The following DYSF variants were observed in gnomAD, a reference collection of about 807,000 sequenced individuals.
The protein encoded by DYSF is dystrophy-associated fer-1-like 1.
DYSF carries 212 observed loss-of-function variants against 274.9 expected under a neutral mutation model. That is an observed-to-expected ratio of 0.77 (90% confidence interval 0.69 to 0.86). DYSF has a LOEUF of 0.86. Among genes scored for constraint, DYSF ranks in the 40% least tolerant of loss-of-function variants. DYSF has a pLI of 0.00. For synonymous variants in DYSF, 1,091 were observed against 1,078.7 expected (o/e 1.01, Z -0.22); for missense variants, 2,666 against 2,783.2 (o/e 0.96, Z 0.95).
At position 71,658,931 on chromosome 2, in the gene DYSF, A is replaced by C. The variant is rs1267487878; in HGVS notation, c.4809A>C (p.Pro1603=). 3 of 1,614,048 alleles carry C rather than the reference A, an allele frequency of 1.9e-6. No individual in the cohort carries two copies. Among genetic ancestry groups the C allele is most frequent in the African/African-American group, 2.7e-5 (2 of 75,006 alleles). Residue 1603 remains proline (P), a synonymous_variant, in exon 44 of 56, where the codon CCA becomes CCC. Transcript: ENST00000410020. ...LPEDPAIPMP[P]RQFHQLAAQG... ...AAGACCCAGCCATCCCCATGCCCCC[A>C]AGACAGTTCCACCAGCTGGCCGCCC...
intron 41 of DYSF, among the ~76,000 whole-genome samples, chr2:71,625,997 C>T (rs897384937): frequency 2.0e-5 from 3 of 151,910 alleles, no homozygotes; most frequent in African/African-American, 7.2e-5. Context: ...ATTTTATATC[C>T]AGAAACTTTG....
chr2:71,574,648 T>A (rs2152823678), intron 30 of DYSF, among the ~76,000 whole-genome samples: 1 of 152,372 alleles, frequency 6.6e-6, no homozygotes, highest in African/African-American at 2.4e-5. Flanking sequence ...GAAGATGGCC[T>A]TGGCCGTCTG....
At chr2:71,583,693 C>T (rs2092970627) in intron 30 of DYSF, among the ~76,000 whole-genome samples, 1 of 152,152 alleles carries the variant, frequency 6.6e-6, no homozygotes, top group Admixed American at 6.5e-5. Flanking sequence ...GCACAGACAC[C>T]CCGTGGTGCA....
At chr2:71,592,717 C>G (rs1159839272) in intron 32 of DYSF, among the ~76,000 whole-genome samples, 1 of 152,244 alleles carries the variant, frequency 6.6e-6, no homozygotes, top group African/African-American at 2.4e-5. Flanking sequence ...GAACCACTCT[C>G]CCAGTGCCTC....
intron 43 of DYSF, among the ~76,000 whole-genome samples, chr2:71,658,000 T>A (rs1216869841): frequency 6.6e-6 from 1 of 152,240 alleles, no homozygotes; most frequent in Non-Finnish European, 1.5e-5. Context: ...TTTTCTTTTC[T>A]TCTGCATCAT....
intron 4 of DYSF, among the ~76,000 whole-genome samples, chr2:71,505,427 G>T (rs887828355): frequency 6.6e-6 from 1 of 152,246 alleles, no homozygotes; most frequent in South Asian, 2.1e-4. Context: ...AAGGGCCAAA[G>T]AACCTGCTGA....
At chr2:71,510,983 G>A (rs115689051) in intron 4 of DYSF, among the ~76,000 whole-genome samples, 4,673 of 152,282 alleles carry the variant, frequency 0.031, 124 homozygotes, top group Non-Finnish European at 0.038. Flanking sequence ...TAGAGTATCC[G>A]TTGCACTAAT....
intron 1 of DYSF, among the ~76,000 whole-genome samples, chr2:71,473,917 G>A (rs1212323863): frequency 2.8e-5 from 3 of 107,274 alleles, no homozygotes; most frequent in East Asian, 5.2e-4. Context: ...CTTTCTGTAT[G>A]ATTTTTTTTT....
At chr2:71,666,613 A>G (rs982942883) in intron 47 of DYSF, among the ~76,000 whole-genome samples, 8 of 152,212 alleles carry the variant, frequency 5.3e-5, no homozygotes, top group African/African-American at 1.9e-4. Flanking sequence ...TGGGTCAGGA[A>G]TACCCCATGT....
intron 30 of DYSF, among the ~76,000 whole-genome samples, chr2:71,585,801 G>A (rs2093047104): frequency 6.6e-6 from 1 of 152,162 alleles, no homozygotes; most frequent in East Asian, 1.9e-4. Context: ...CTCTCAGTGG[G>A]ACAAGCAGAT....
In DYSF at chr2:71,669,162, A is replaced by G. The variant is rs2095072356; in HGVS notation, c.5597A>G (p.Asp1866Gly). Residue 1866 changes from aspartate (D) to glycine (G), a missense_variant, in exon 50 of 56, where the codon GAC (aspartate) becomes GGC (glycine). This residue lies in a region of DYSF where 1,460 missense variants were observed against 1,502.1 expected (regional missense o/e 0.97). Coordinates refer to ENST00000410020, the MANE Select transcript of DYSF (RefSeq NM_001130987.2). ...IWNTRDVILD[D>G]LSLTGEKMSD... ...AATACCAGAGATGTGATCCTGGATGACCTGAGCCTCACGGGGGAGAAGATG... is the reference window on the plus strand; with the variant it reads ...AATACCAGAGATGTGATCCTGGATGGCCTGAGCCTCACGGGGGAGAAGATG... The G allele has an allele frequency of 6.2e-7, 1 of 1,610,652 alleles. No homozygotes were observed. The highest frequency in any genetic ancestry group is 1.3e-5 in the African/African-American group (1 of 74,892).
rs191337920 is a variant in DYSF at position 71,568,007 on chromosome 2, G to A, written c.2622G>A (p.Leu874=). The change falls in exon 25 of 56, where the codon CTG becomes CTA. Residue 874 remains leucine (L), a synonymous_variant. Transcript: ENST00000410020. ...TGCCAGTGCAGATACGGGTCAAGCT[G>A]TGGTTTGGGCTCTCAGTGGATGAGA... ...ARMPVQIRVK[L]WFGLSVDEKE... The A allele has an allele frequency of 3.0e-4, 491 of 1,614,172 alleles. 1 individual carries two copies. The highest frequency in any genetic ancestry group is 3.9e-4 in the Non-Finnish European group (459 of 1,180,022).
chr2:71,478,944 G>A (rs112954864), intron 1 of DYSF, among the ~76,000 whole-genome samples: 5 of 152,060 alleles, frequency 3.3e-5, no homozygotes, highest in African/African-American at 1.2e-4. Context: ...CTGGCAGGGC[G>A]GGGCCGACCC....
intron 16 of DYSF, 72 bp downstream of exon 16, chr2:71,535,383 G>A: frequency 7.0e-7 from 1 of 1,433,070 alleles, no homozygotes; most frequent in Non-Finnish European, 9.9e-7. Flanking sequence ...GTTTCATTCG[G>A]CTCAGTGACT....
intron 42 of DYSF, among the ~76,000 whole-genome samples, chr2:71,646,906 G>T (rs978114393): frequency 1.3e-5 from 2 of 152,080 alleles, no homozygotes; most frequent in African/African-American, 2.4e-5. Flanking sequence ...AGCAAACAAG[G>T]TAAGTGTAAA....
At chr2:71,507,593 C>T (rs1037550480) in intron 4 of DYSF, among the ~76,000 whole-genome samples, 2 of 152,146 alleles carry the variant, frequency 1.3e-5, no homozygotes, top group African/African-American at 4.8e-5. Context: ...GGCAGGTGCC[C>T]AACACACAGG....
At chr2:71,617,918 G>A (rs62651675) in intron 40 of DYSF, among the ~76,000 whole-genome samples, 491 of 57,352 alleles carry the variant, frequency 8.6e-3, no homozygotes, top group Non-Finnish European at 0.011. Flanking sequence ...AGAGGTGTGT[G>A]TGTGTGGTAG....
chr2:71,614,422 G>C (rs1316089230), intron 40 of DYSF, among the ~76,000 whole-genome samples: 3 of 152,212 alleles, frequency 2.0e-5, no homozygotes, highest in Admixed American at 6.5e-5. Context: ...CATCTCTCCA[G>C]CCTCTGTGGC....
chr2:71,655,120 T>C (rs2094743996), intron 42 of DYSF, among the ~76,000 whole-genome samples: 1 of 152,012 alleles, frequency 6.6e-6, no homozygotes, highest in Non-Finnish European at 1.5e-5. Context: ...ACAAAACAAG[T>C]TACAAGTTTG....
Sources: gnomAD v4.1 joint callset for allele counts (sites outside exome capture counted in the v4.1 genomes callset) on GRCh38, gnomAD v4.1.1 for gene constraint, gnomAD v4.1.1 regional missense constraint, MANE v1.5 for transcripts, NCBI Gene and HGNC (gene_info 2026-07-23, HGNC 2026-07-21) for gene names.